Variants in NTRK3 observed in about 807,000 individuals in gnomAD.
The protein encoded by NTRK3 is NT-3 growth factor receptor.
A neutral mutation model predicts 91.7 loss-of-function variants in NTRK3; 24 were observed. The ratio of observed to expected loss-of-function variants is 0.26; its 90% confidence interval spans 0.19 to 0.37. NTRK3 has a LOEUF of 0.37. NTRK3 is among the 10% of genes least tolerant of loss of function. The pLI is 1.00. For missense variants in NTRK3, 880 were observed against 1,068.9 expected, an observed-to-expected ratio of 0.82 and a Z score of 2.46; for synonymous variants, 483 against 404.0, an observed-to-expected ratio of 1.20 and a Z score of -2.34.
chr15:88,024,234 C>A (rs1368697684), intron 14 of NTRK3, among the ~76,000 whole-genome samples: 1 of 152,214 alleles, frequency 6.6e-6, no homozygotes, highest in African/African-American at 2.4e-5. Flanking sequence ...ACAGATCTAG[C>A]AGTTCCAGCT....
intron 6 of NTRK3, chr15:88,143,995 G>C (rs1282947029): frequency 6.6e-6 from 1 of 152,188 alleles, no homozygotes; most frequent in Non-Finnish European, 1.5e-5. Context: ...GAGTGTTTCT[G>C]TGCTGTAGGT....
chr15:88,079,079 T>TGTGGTGTTGGCGGAGGG (rs1448934454), intron 13 of NTRK3, among the ~76,000 whole-genome samples: 1 of 151,976 alleles, frequency 6.6e-6, no homozygotes, highest in East Asian at 1.9e-4. Flanking sequence ...AGTCGGTGGA[T>TGTGGTGTTGGCGGAGGG]GTGGTGTTGG....
intron 14 of NTRK3, among the ~76,000 whole-genome samples, chr15:87,974,797 C>T (rs911666883): frequency 2.6e-5 from 4 of 152,132 alleles, no homozygotes; most frequent in Non-Finnish European, 5.9e-5. Flanking sequence ...ATCACCCTGT[C>T]CCAAAAGTTC....
rs564347579 is a variant in NTRK3, at chr15:88,040,897, C to A, written c.1397-7852G>T. ...GATCCTCAACAACTACCATTATTCT[C>A]ATTTAATCAACAACAAAACCTATCC... is the stretch of plus-strand genomic sequence containing the variant. On this transcript the variant is annotated intron_variant, in intron 13 of 18. Transcript: ENST00000394480. 7.9e-5 allele frequency among the ~76,000 whole-genome samples: 12 copies of A among 152,346 alleles called. No homozygotes were observed. The East Asian group carries it at 1.7e-3, about 22-fold the overall frequency.
In NTRK3 at chr15:87,967,061, G is replaced by A. The variant is rs115075105; in HGVS notation, c.1586-26308C>T. Among the ~76,000 whole-genome samples the A allele has an allele frequency of 4.1e-3, 622 of 152,290 alleles. 3 individuals carry two copies. The highest frequency in any genetic ancestry group is 0.014 in the African/African-American group (596 of 41,564). ...GGAGACAATAAAGCTCTTGATGACA[G>A]GAAATACAACTGACTCACTTAGTAG... On this transcript the variant is annotated intron_variant, in intron 14 of 18. Transcript: ENST00000394480.
intron 5 of NTRK3, among the ~76,000 whole-genome samples, chr15:88,171,572 C>G (rs377750280): frequency 6.6e-6 from 1 of 152,136 alleles, no homozygotes; most frequent in Non-Finnish European, 1.5e-5. Context: ...GTGGGACATG[C>G]CATTTACTGA....
chr15:87,979,572 G>A, intron 14 of NTRK3: 1 of 733,126 alleles, frequency 1.4e-6, no homozygotes, highest in Non-Finnish European at 2.3e-6. Context: ...GAGCTTGAAA[G>A]GGGAAGAACT....
At chr15:87,929,039 A>C in intron 17 of NTRK3, 152 bp downstream of exon 17, 33 of 1,119,474 alleles carry the variant, frequency 2.9e-5, no homozygotes, top group Non-Finnish European at 4.1e-5. Flanking sequence ...TCAAGATGCA[A>C]GAGAGGCCAA....
chr15:87,880,393 C>T (rs2141468689), exon 18 of NTRK3: 1 of 1,614,174 alleles, frequency 6.2e-7, no homozygotes, highest in Non-Finnish European at 8.5e-7. Flanking sequence ...TTTCAGGAGG[C>T]ATCCAGCGAA....
intron 10 of NTRK3, chr15:88,131,921 G>A (rs779748071): frequency 8.1e-5 from 16 of 197,556 alleles, no homozygotes; most frequent in South Asian, 7.7e-4. Flanking sequence ...TGGGAGGAGC[G>A]CTTGTCCAGC....
chr15:88,242,087 C>A (rs188717477), intron 3 of NTRK3, among the ~76,000 whole-genome samples: 1 of 152,172 alleles, frequency 6.6e-6, no homozygotes, highest in Non-Finnish European at 1.5e-5. Context: ...GAGCACGTAG[C>A]CACCTGCGCA....
At chr15:87,989,611 C>T (rs986980311) in intron 14 of NTRK3, among the ~76,000 whole-genome samples, 2 of 151,876 alleles carry the variant, frequency 1.3e-5, no homozygotes, top group South Asian at 4.1e-4. Context: ...TGTAACAAAC[C>T]TGCACGTTGT....
intron 14 of NTRK3, among the ~76,000 whole-genome samples, chr15:87,957,261 A>T (rs567878178): frequency 6.6e-6 from 1 of 152,338 alleles, no homozygotes; most frequent in South Asian, 2.1e-4. Context: ...AATACCTATT[A>T]GGTAAGCATC....
chr15:88,052,471 T>A (rs138149246), intron 13 of NTRK3, among the ~76,000 whole-genome samples: 1 of 152,314 alleles, frequency 6.6e-6, no homozygotes, highest in Non-Finnish European at 1.5e-5. Flanking sequence ...TGACTCTAAC[T>A]CCAACATGCT....
chr15:88,225,531 A>C (rs1050098678), intron 3 of NTRK3, among the ~76,000 whole-genome samples: 2 of 152,156 alleles, frequency 1.3e-5, no homozygotes, highest in Non-Finnish European at 2.9e-5. Context: ...GAGGATGAAG[A>C]GTCCAGGAGA....
intron 13 of NTRK3, among the ~76,000 whole-genome samples, chr15:88,057,184 GA>G (rs1407092676): frequency 4.9e-5 from 7 of 142,178 alleles, no homozygotes; most frequent in South Asian, 4.6e-4. Flanking sequence ...AAAAAAAAAA[GA>G]AAAAAAGAAA....
chr15:88,121,127 C>G (rs963260506), intron 13 of NTRK3, among the ~76,000 whole-genome samples: 1 of 152,202 alleles, frequency 6.6e-6, no homozygotes, highest in African/African-American at 2.4e-5. Flanking sequence ...GATCCACACA[C>G]TTGCTTCTTT....
Position 88,233,401 on chromosome 15 carries a change from G to A in NTRK3, c.248+22505C>T, listed in dbSNP as rs912328849. Reference sequence around the variant, plus strand: ...CCCTCCCTGTGAAGGCAAGGGAATGGGCTGCTGCCATACAGCCTGCAGGCT... The same window carrying A: ...CCCTCCCTGTGAAGGCAAGGGAATGAGCTGCTGCCATACAGCCTGCAGGCT... On this transcript the variant is annotated intron_variant, in intron 3 of 18. Transcript: ENST00000394480. The surrounding 1 kb of genome is among the most constrained non-coding windows in gnomAD (Gnocchi z 4.2). 2.6e-5 allele frequency among the ~76,000 whole-genome samples: 4 copies of A among 152,002 alleles called. No individual in the cohort carries two copies. Among genetic ancestry groups the A allele is most frequent in the Admixed American group, 1.3e-4 (2 of 15,266 alleles).
chr15:87,867,646 C>T (rs1260471118), exon 19 of NTRK3: 5 of 229,402 alleles, frequency 2.2e-5, no homozygotes, highest in African/African-American at 8.9e-5. Context: ...AGCAGGCTTG[C>T]TCCTAGCCCA....
Sources: allele counts gnomAD v4.1 joint callset (sites outside exome capture counted in the v4.1 genomes callset), GRCh38; gene constraint gnomAD v4.1.1; non-coding constraint Gnocchi (gnomAD v3.1); transcripts MANE v1.5; gene names NCBI Gene and HGNC (gene_info 2026-07-23, HGNC 2026-07-21).